TCF23: variants seen among roughly 807,000 people sequenced by gnomAD.
The protein encoded by TCF23 is class A basic helix-loop-helix protein 24.
In TCF23, 7 loss-of-function variants were observed where a neutral mutation model predicts 13.0. That is an observed-to-expected ratio of 0.54 (90% CI 0.31 to 1.01). TCF23 has a LOEUF of 1.01. TCF23 is among the 50% of genes least tolerant of loss of function. The probability of loss-of-function intolerance (pLI) is 0.06; values close to 1 mark genes in which losing one functional copy is unlikely to be tolerated. For synonymous variants in TCF23, 122 were observed against 119.5 expected (o/e 1.02, Z -0.14); for missense variants, 257 against 289.8 (o/e 0.89, Z 0.82).
In TCF23 at chr2:27,150,866, C is replaced by T. The variant is rs747905350; in HGVS notation, c.465+501C>T. ...TTAGCAGGCAGCAGTACAGGGAAGG[C>T]GCGCACCACTTGCCAGACTGCAATC... On this transcript the variant is annotated intron_variant, in intron 2 of 2. Coordinates refer to ENST00000296096, the MANE Select transcript of TCF23 (RefSeq NM_175769.3). This position sits in a 1 kb window ranked among gnomAD's most constrained non-coding sequence, Gnocchi z 4.1. 3.3e-5 allele frequency among the ~76,000 whole-genome samples: 5 copies of T among 152,070 alleles called. No homozygotes were observed. The highest frequency in any genetic ancestry group is 5.9e-5 in the Non-Finnish European group (4 of 68,012).
chr2:27,153,123 A>T lies in TCF23; in HGVS notation c.*256A>T. 1 of 780,458 alleles carries T rather than the reference A, an allele frequency of 1.3e-6. No individual in the cohort carries two copies. The highest frequency in any genetic ancestry group is 3.9e-5 in the Admixed American group (1 of 25,812). The allele number at this position is 780,458 out of a possible 1,614,324, so 48.3% of individuals were successfully genotyped here. The stretch of plus-strand genomic sequence containing the variant: ...TGACAGCTACTGGGAAGTGGGAGAG[A>T]AAGAGGTATAATTGGGCTCAAAGTT... On this transcript the variant is annotated 3_prime_UTR_variant, in exon 3 of 3. Transcript: ENST00000296096.
chr2:27,150,002 C>T lies in TCF23; in HGVS notation c.223-121C>T. 2 of 1,472,618 alleles carry T rather than the reference C, an allele frequency of 1.4e-6. No individual in the cohort carries two copies. Among genetic ancestry groups the T allele is most frequent in the South Asian group, 1.3e-5 (1 of 76,350 alleles). The allele number at this position is 1,472,618 out of a possible 1,614,324, so 91.2% of individuals were successfully genotyped here. A position where few individuals can be genotyped will look rare whatever the true frequency, so the allele number is the denominator to read the frequency against. Reference sequence around the variant, plus strand: ...CAGATGACGTAGGTGGGCAGAGGCCCTCTGGTGCCTACTGCTAGACACCCT... The same window carrying T: ...CAGATGACGTAGGTGGGCAGAGGCCTTCTGGTGCCTACTGCTAGACACCCT... On this transcript the variant is annotated intron_variant, in intron 1 of 2. Coordinates refer to ENST00000296096, the MANE Select transcript of TCF23 (RefSeq NM_175769.3). The surrounding 1 kb of genome is among the most constrained non-coding windows in gnomAD (Gnocchi z 4.1).
rs1210991541 is a variant in TCF23 at position 27,150,798 on chromosome 2, G to A, written c.465+433G>A. On this transcript the variant is annotated intron_variant, in intron 2 of 2. Transcript: ENST00000296096. This position sits in a 1 kb window ranked among gnomAD's most constrained non-coding sequence, Gnocchi z 4.1. ...GAGGTCTGTCCTCCAGGAGAACAAC[G>A]GTCTGAGGGACCGTCATTCTAGAAG... is the stretch of plus-strand genomic sequence containing the variant. Among the ~76,000 whole-genome samples the A allele has an allele frequency of 2.6e-5, 4 of 152,120 alleles. No individual in the cohort carries two copies. Among genetic ancestry groups the A allele is most frequent in the Non-Finnish European group, 5.9e-5 (4 of 68,030 alleles).
chr2:27,154,538 G>C lies in TCF23; in HGVS notation c.*1671G>C, dbSNP rs1672807138. ...GCCAGTTGTGGTAGAGGTAGAAAAA[G>C]AGACACAGAACATCCCAGCCCCGAG... is the stretch of plus-strand genomic sequence containing the variant. On this transcript the variant is annotated 3_prime_UTR_variant, in exon 3 of 3. Transcript: ENST00000296096. 1 of 152,386 alleles carries C rather than the reference G, an allele frequency of 6.6e-6. No individual in the cohort carries two copies. The highest frequency in any genetic ancestry group is 2.4e-5 in the African/African-American group (1 of 41,454). The allele number at this position is 152,386 out of a possible 1,614,324, so 9.4% of individuals were successfully genotyped here. A position where few individuals can be genotyped will look rare whatever the true frequency, so the allele number is the denominator to read the frequency against.
In TCF23 at chr2:27,154,883, T is replaced by C. The variant is rs528373354; in HGVS notation, c.*2016T>C. ...AGAAGCAGATACATTTCCTCCTCAG[T>C]TGGTGGCACACTTTCCTGGGGATGA... On this transcript the variant is annotated 3_prime_UTR_variant, in exon 3 of 3. Transcript: ENST00000296096. 2.4e-4 allele frequency: 37 copies of C among 152,436 alleles called. 1 individual carries two copies. In the South Asian group the frequency reaches 7.5e-3, roughly 31 times the overall value. 9.4% of individuals were successfully genotyped at this position (152,436 alleles called of 1,614,324 possible).
intron 2 of TCF23, among the ~76,000 whole-genome samples, chr2:27,151,966 G>A (rs1355511817): frequency 6.6e-6 from 1 of 152,044 alleles, no homozygotes; most frequent in East Asian, 1.9e-4. Flanking sequence ...CTTAAAACTT[G>A]GTTTTTTTCT....
intron 1 of TCF23, 74 bp downstream of exon 1, chr2:27,149,429 T>A (rs1572358186): frequency 7.3e-7 from 1 of 1,360,564 alleles, no homozygotes; most frequent in East Asian, 2.5e-5. Context: ...TCACCTCTGA[T>A]GGTACAGCCT....
At chr2:27,151,428 G>A (rs547117354) in intron 2 of TCF23, among the ~76,000 whole-genome samples, 5 of 151,880 alleles carry the variant, frequency 3.3e-5, no homozygotes, top group Admixed American at 1.3e-4. Flanking sequence ...TCCACCTCCC[G>A]GTTCAAGTGA....
At chr2:27,149,991 G>A in intron 1 of TCF23, 132 bp from the exon 2 acceptor site, 1 of 1,419,146 alleles carries the variant, frequency 7.0e-7, no homozygotes, top group Non-Finnish European at 9.5e-7. Context: ...TGACGTAGGT[G>A]GGCAGAGGCC....
intron 1 of TCF23, chr2:27,149,677 C>A (rs368719815): frequency 5.0e-6 from 3 of 598,912 alleles, no homozygotes; most frequent in African/African-American, 3.7e-5. Flanking sequence ...GTGCTTTGAC[C>A]CCTGGTTCTG....
chr2:27,149,849 G>A (rs1032283781), intron 1 of TCF23: 9 of 691,672 alleles, frequency 1.3e-5, no homozygotes, highest in Admixed American at 1.2e-4. Context: ...GCTCTGAGGA[G>A]GCATGAGTGG....
chr2:27,150,179 C>G lies in TCF23; in HGVS notation c.279C>G (p.Arg93=). 6.2e-7 allele frequency: 1 copy of G among 1,612,084 alleles called. No individual in the cohort carries two copies. Among genetic ancestry groups the G allele is most frequent in the Non-Finnish European group, 8.5e-7 (1 of 1,179,900 alleles). The change falls in exon 2 of 3, where the codon CGC becomes CGG. Residue 93 remains arginine, a synonymous_variant. Transcript: ENST00000296096. The surrounding 1 kb of genome is among the most constrained non-coding windows in gnomAD (Gnocchi z 4.1). ...ARERSRVRTL[R]QAFLALQAAL... ...AGCGGAGCCGGGTCAGGACGCTGCG[C>G]CAGGCCTTCTTGGCCTTGCAGGCTG...
chr2:27,149,506 T>G, intron 1 of TCF23, 151 bp downstream of exon 1: 1 of 770,966 alleles, frequency 1.3e-6, no homozygotes, highest in Non-Finnish European at 2.1e-6. Flanking sequence ...GGCATCATGC[T>G]TTGGGTAGTT....
At position 27,153,289 on chromosome 2, in the gene TCF23, C is replaced by T. The variant is rs1672788952; in HGVS notation, c.*422C>T. On this transcript the variant is annotated 3_prime_UTR_variant, in exon 3 of 3. Transcript: ENST00000296096. The stretch of plus-strand genomic sequence containing the variant: ...TGGGAAAGCCAGGTGGCCGGATAGG[C>T]TCCTGGTAGCTCCAAGTGTAAACAG... The T allele has an allele frequency of 6.2e-6, 1 of 161,954 alleles. No individual in the cohort carries two copies. The highest frequency in any genetic ancestry group is 1.3e-5 in the Non-Finnish European group (1 of 74,420). The allele number at this position is 161,954 out of a possible 1,614,324, so 10.0% of individuals were successfully genotyped here.
At position 27,152,676 on chromosome 2, in the gene TCF23, T is replaced by C; in HGVS notation, c.466-12T>C. 6.2e-7 allele frequency: 1 copy of C among 1,609,268 alleles called. No individual in the cohort carries two copies. The highest frequency in any genetic ancestry group is 8.5e-7 in the Non-Finnish European group (1 of 1,176,694). On this transcript the variant is annotated splice_polypyrimidine_tract_variant and intron_variant, in intron 2 of 2. Transcript: ENST00000296096. ...TAGCAGCATTTCTCACTTCCCAATC[T>C]GTGTCTTGCAGAAGTGGCCGATGCG...
rs1375876927 is a variant in TCF23, at chr2:27,153,561, T to TG, written c.*699dup. The stretch of plus-strand genomic sequence containing the variant: ...GTTTCTTCTTCTTTTTATGTAGAGA[T>TG]GGGGGTCTTGATATGTTGCCCAGGC... On this transcript the variant is annotated 3_prime_UTR_variant, in exon 3 of 3. Transcript: ENST00000296096. 8 of 152,182 alleles carry TG rather than the reference T, an allele frequency of 5.3e-5. No homozygotes were observed. The highest frequency in any genetic ancestry group is 3.4e-3 in the Middle Eastern group (1 of 294). The allele number at this position is 152,182 out of a possible 1,614,324, so 9.4% of individuals were successfully genotyped here.
chr2:27,151,585 C>T (rs995086567), intron 2 of TCF23, among the ~76,000 whole-genome samples: 21 of 152,034 alleles, frequency 1.4e-4, no homozygotes, highest in Admixed American at 5.9e-4. Flanking sequence ...CCACCCACTA[C>T]GGCCTCCCAA....
chr2:27,150,508 CAG>C lies in TCF23; in HGVS notation c.465+146_465+147del. The C allele has an allele frequency of 1.4e-6, 2 of 1,432,278 alleles. No homozygotes were observed. The highest frequency in any genetic ancestry group is 1.9e-6 in the Non-Finnish European group (2 of 1,058,526). 88.7% of individuals were successfully genotyped at this position (1,432,278 alleles called of 1,614,324 possible). A position where few individuals can be genotyped will look rare whatever the true frequency, so the allele number is the denominator to read the frequency against. On this transcript the variant is annotated intron_variant, in intron 2 of 2. Transcript: ENST00000296096. This position sits in a 1 kb window ranked among gnomAD's most constrained non-coding sequence, Gnocchi z 4.1. ...TCGGAGCCAATTTCTCCTGCTGTCT[CAG>C]AGGGAGAGGAGCCAAGGCTGACCCT...
intron 1 of TCF23, chr2:27,149,920 C>CT: frequency 1.3e-6 from 1 of 793,806 alleles, no homozygotes; most frequent in South Asian, 1.7e-5. Flanking sequence ...CTGCAGCCAT[C>CT]TGACCCCTGG....
Sources: allele counts gnomAD v4.1 joint callset (sites outside exome capture counted in the v4.1 genomes callset), GRCh38; gene constraint gnomAD v4.1.1; non-coding constraint Gnocchi (gnomAD v3.1); transcripts MANE v1.5; gene names NCBI Gene and HGNC (gene_info 2026-07-23, HGNC 2026-07-21).